Variants in COA8 observed in about 807,000 individuals in gnomAD.
The protein encoded by COA8 is cytochrome c oxidase assembly factor 8, also known as UPF0671 protein C14orf153.
COA8 carries 20 observed loss-of-function variants against 22.0 expected under a neutral mutation model. The ratio of observed to expected loss-of-function variants is 0.91; its 90% confidence interval spans 0.64 to 1.32. COA8 has a LOEUF of 1.32. Ranked by LOEUF, COA8 falls within the 40% of genes most tolerant of loss-of-function variation. COA8 has a pLI of 0.00. For synonymous variants in COA8, 105 were observed against 79.9 expected (o/e 1.31, Z -1.68); for missense variants, 266 against 230.0 (o/e 1.16, Z -1.01).
At chr14:103,583,541 C>CAAAA (rs35726464) in intron 3 of COA8, among the ~76,000 whole-genome samples, 10 of 53,076 alleles carry the variant, frequency 1.9e-4, no homozygotes, top group African/African-American at 3.0e-4. Context: ...GACTCGATCT[C>CAAAA]AAAAAAAAAA....
At position 103,564,151 on chromosome 14, in the gene COA8, C is replaced by CA. The variant is rs59104875; in HGVS notation, c.123+1039dup. Among the ~76,000 whole-genome samples the CA allele has an allele frequency of 9.0e-4, 129 of 143,518 alleles. 1 individual carries two copies. Among genetic ancestry groups the CA allele is most frequent in the East Asian group, 3.5e-3 (17 of 4,814 alleles). 94.2% of individuals were successfully genotyped at this position (143,518 alleles called of 152,430 possible). ...CTGGCGACAGAGGGAGACTTCATCT[C>CA]AAAAAAAAAAAAGCTAATTAAAAAT... On this transcript the variant is annotated intron_variant, in intron 1 of 4. Coordinates refer to ENST00000409074, the MANE Select transcript of COA8 (RefSeq NM_001370595.2).
At chr14:103,582,737 C>CTTTTT (rs61102383) in intron 3 of COA8, among the ~76,000 whole-genome samples, 1,315 of 120,866 alleles carry the variant, frequency 0.011, 99 homozygotes, top group African/African-American at 0.028. Flanking sequence ...TTCACCCTGC[C>CTTTTT]TTTTTTTTTT....
At chr14:103,564,231 C>T (rs1453294838) in intron 1 of COA8, among the ~76,000 whole-genome samples, 1 of 151,958 alleles carries the variant, frequency 6.6e-6, no homozygotes, top group Non-Finnish European at 1.5e-5. Context: ...GCTGTTAGTA[C>T]ACTTTCATAA....
rs1242317419 is a variant in COA8 at position 103,581,414 on chromosome 14, C to T, written c.386-5860C>T. Among the ~76,000 whole-genome samples the T allele has an allele frequency of 4.6e-5, 7 of 151,952 alleles. No individual in the cohort carries two copies. Among genetic ancestry groups the T allele is most frequent in the Non-Finnish European group, 7.4e-5 (5 of 68,008 alleles). Reference sequence around the variant, plus strand: ...TGCTGAGTAACTAACGAGTGGGGCGCGTCTACACTGTGGAGGTGCTGGACA... The same window carrying T: ...TGCTGAGTAACTAACGAGTGGGGCGTGTCTACACTGTGGAGGTGCTGGACA... On this transcript the variant is annotated intron_variant, in intron 3 of 4. Coordinates refer to ENST00000409074, the MANE Select transcript of COA8 (RefSeq NM_001370595.2). The surrounding 1 kb of genome is among the most constrained non-coding windows in gnomAD (Gnocchi z 4.1).
chr14:103,589,172 G>T (rs183613185), intron 4 of COA8, among the ~76,000 whole-genome samples: 78 of 152,254 alleles, frequency 5.1e-4, no homozygotes, highest in Non-Finnish European at 7.9e-4. Flanking sequence ...CAGCAGAAGT[G>T]TAGCTTGCTT....
chr14:103,568,205 C>T (rs1238231594), intron 1 of COA8, among the ~76,000 whole-genome samples: 1 of 152,180 alleles, frequency 6.6e-6, no homozygotes, highest in African/African-American at 2.4e-5. Flanking sequence ...TGTACGGGCA[C>T]TTCCAGGAAT....
intron 3 of COA8, among the ~76,000 whole-genome samples, chr14:103,577,503 C>A (rs1230029576): frequency 6.6e-6 from 1 of 152,162 alleles, no homozygotes; most frequent in East Asian, 1.9e-4. Flanking sequence ...AATCCTCAGC[C>A]CCTTTTCCAG....
intron 4 of COA8, chr14:103,588,389 A>G (rs2076326339): frequency 5.2e-6 from 2 of 383,716 alleles, no homozygotes; most frequent in East Asian, 7.4e-5. Flanking sequence ...GGCTACAGTG[A>G]GCCGAGATCC....
chr14:103,587,183 C>T, intron 3 of COA8, 91 bp from the exon 4 acceptor site: 1 of 948,898 alleles, frequency 1.1e-6, no homozygotes, highest in Non-Finnish European at 1.6e-6. Flanking sequence ...ATATATCCTG[C>T]AAGCTTGCTG....
intron 1 of COA8, among the ~76,000 whole-genome samples, chr14:103,569,970 GC>G (rs2076170034): frequency 6.6e-6 from 1 of 152,082 alleles, no homozygotes; most frequent in African/African-American, 2.4e-5. Context: ...AATTCTCCTG[GC>G]TCAGCCTCTC....
At chr14:103,587,436 AT>A in intron 4 of COA8, 72 bp downstream of exon 4, 1 of 908,436 alleles carries the variant, frequency 1.1e-6, no homozygotes. Context: ...TCTTACCTGA[AT>A]TTAACAACAT....
intron 3 of COA8, among the ~76,000 whole-genome samples, chr14:103,585,479 CAAAA>C (rs60226654): frequency 1.5e-5 from 2 of 131,302 alleles, no homozygotes; most frequent in African/African-American, 2.9e-5. Context: ...AACTCCGTCT[CAAAA>C]AAAAAAAAAA....
At chr14:103,575,375 T>G (rs1050108094) in intron 3 of COA8, among the ~76,000 whole-genome samples, 1 of 152,216 alleles carries the variant, frequency 6.6e-6, no homozygotes, top group African/African-American at 2.4e-5. Context: ...AAATTAGGTT[T>G]GAAACTGAAT....
At chr14:103,567,891 A>C (rs1301298284) in intron 1 of COA8, among the ~76,000 whole-genome samples, 1 of 152,080 alleles carries the variant, frequency 6.6e-6, no homozygotes, top group African/African-American at 2.4e-5. Context: ...TAGCTCTCCC[A>C]TCTCGTTGGC....
rs778335685 is a variant in COA8, at chr14:103,563,188, C to T, written c.123+64C>T. 124 of 1,494,540 alleles carry T rather than the reference C, an allele frequency of 8.3e-5. No homozygotes were observed. In the African/African-American group the frequency reaches 1.6e-3, roughly 19 times the overall value. 92.6% of individuals were successfully genotyped at this position (1,494,540 alleles called of 1,614,324 possible). On this transcript the variant is annotated intron_variant, in intron 1 of 4. Coordinates refer to ENST00000409074, the MANE Select transcript of COA8 (RefSeq NM_001370595.2). ...ACCGGAAGGGAAGACAAACCCGGGC[C>T]TCGGGGCCACTCCCTGTTCTGCACA... is the stretch of plus-strand genomic sequence containing the variant.
chr14:103,574,059 A>G (rs1208113205), intron 2 of COA8, 48 bp from the exon 3 acceptor site: 17 of 1,516,610 alleles, frequency 1.1e-5, no homozygotes, highest in Admixed American at 2.2e-5. Context: ...GGAAAGACAG[A>G]GAAAGGAGTT....
rs1595139814 is a variant in COA8, at chr14:103,572,108, CAG to C, written c.321+291_321+292del. Among the ~76,000 whole-genome samples the C allele has an allele frequency of 5.4e-5, 8 of 148,522 alleles. No individual in the cohort carries two copies. In the Admixed American group the frequency reaches 5.4e-4, roughly 10 times the overall value. Reference sequence around the variant, plus strand: ...CGCCACTGCACTCCAGCCTGGGTGACAGAGCCAGACTCGTCTCAAAAAAAAAA... The same window carrying C: ...CGCCACTGCACTCCAGCCTGGGTGACAGCCAGACTCGTCTCAAAAAAAAAA... On this transcript the variant is annotated intron_variant, in intron 2 of 4. Coordinates refer to ENST00000409074, the MANE Select transcript of COA8 (RefSeq NM_001370595.2).
chr14:103,574,101 T>A lies in COA8; in HGVS notation c.322-6T>A. On this transcript the variant is annotated splice_region_variant and splice_polypyrimidine_tract_variant and intron_variant, in intron 2 of 4. Transcript: ENST00000409074. ...GCCTTTTTTTTTTTTTTTTTTTTTT[T>A]TTAAGGAAAAAGAAGAATTTATTCA... 6.5e-7 allele frequency: 1 copy of A among 1,536,162 alleles called. No homozygotes were observed. Among genetic ancestry groups the A allele is most frequent in the South Asian group, 1.2e-5 (1 of 81,934 alleles).
intron 1 of COA8, chr14:103,563,380 G>A: frequency 1.5e-6 from 1 of 666,240 alleles, no homozygotes; most frequent in Non-Finnish European, 2.8e-6. Context: ...GAGTCACCTG[G>A]CAAGTTTGTA....
Sources: gnomAD v4.1 joint callset for allele counts (sites outside exome capture counted in the v4.1 genomes callset) on GRCh38, gnomAD v4.1.1 for gene constraint, Gnocchi (gnomAD v3.1) non-coding constraint, MANE v1.5 for transcripts, NCBI Gene and HGNC (gene_info 2026-07-23, HGNC 2026-07-21) for gene names.